RYR2: variants seen among roughly 807,000 people sequenced by gnomAD.
The protein encoded by RYR2 is cardiac muscle ryanodine receptor-calcium release channel.
Under a neutral mutation model 601.1 loss-of-function variants are expected in RYR2, and 227 were observed. That is an observed-to-expected ratio of 0.38 (90% CI 0.34 to 0.42). The LOEUF is 0.42. RYR2 is among the 10% of genes least tolerant of loss of function. RYR2 has a pLI of 1.00. For synonymous variants in RYR2, 2,223 were observed against 2,175.1 expected, an observed-to-expected ratio of 1.02 and a Z score of -0.61; for missense variants, 4,646 against 6,156.5, an observed-to-expected ratio of 0.75 and a Z score of 8.21.
At chr1:237,255,492 G>A (rs1484484500) in intron 1 of RYR2, among the ~76,000 whole-genome samples, 1 of 152,078 alleles carries the variant, frequency 6.6e-6, no homozygotes, top group Non-Finnish European at 1.5e-5. Flanking sequence ...TAGTTTAGGG[G>A]ATTTATAACA....
chr1:237,632,693 G>A (rs1007423311), intron 42 of RYR2, among the ~76,000 whole-genome samples: 8 of 152,002 alleles, frequency 5.3e-5, no homozygotes, highest in Non-Finnish European at 5.9e-5. Context: ...ACCACACTGG[G>A]CCTAAAGTGA....
intron 24 of RYR2, among the ~76,000 whole-genome samples, chr1:237,520,159 A>T (rs988605451): frequency 6.6e-6 from 1 of 152,206 alleles, no homozygotes. Context: ...TTGATTTTAC[A>T]TGCTGCAACT....
Position 237,643,391 on chromosome 1 carries a change from T to A in RYR2, c.7286T>A (p.Leu2429Gln). 6.2e-7 allele frequency: 1 copy of A among 1,613,918 alleles called. No homozygotes were observed. Among genetic ancestry groups the A allele is most frequent in the Non-Finnish European group, 8.5e-7 (1 of 1,179,846 alleles). Residue 2429 changes from leucine (L) to glutamine (Q), a missense_variant, in exon 48 of 105, where the codon CTG (leucine) becomes CAG (glutamine). Leu to Gln is a moderately radical substitution (Grantham distance 113). Transcript: ENST00000366574. ...TCCATTTTGAGATCCCTCATTCCCC[T>A]GGGAGATTTGGTGGGCGTTATCAGC... ...IRSILRSLIP[L>Q]GDLVGVISIA...
intron 7 of RYR2, among the ~76,000 whole-genome samples, chr1:237,375,152 A>T (rs1222593190): frequency 6.6e-6 from 1 of 152,226 alleles, no homozygotes. Flanking sequence ...GTCTGAAAAT[A>T]TAACATACTT....
At chr1:237,312,014 A>G (rs1334905688) in intron 2 of RYR2, among the ~76,000 whole-genome samples, 1 of 152,184 alleles carries the variant, frequency 6.6e-6, no homozygotes, top group East Asian at 1.9e-4. Flanking sequence ...GTACTGGGAG[A>G]TGGACTATAG....
At chr1:237,632,034 G>A (rs1218401586) in intron 42 of RYR2, among the ~76,000 whole-genome samples, 4 of 151,744 alleles carry the variant, frequency 2.6e-5, no homozygotes, top group Non-Finnish European at 4.4e-5. Flanking sequence ...GGAGTTGAAC[G>A]TACTACTAGT....
intron 1 of RYR2, among the ~76,000 whole-genome samples, chr1:237,195,980 T>C (rs1022369845): frequency 3.3e-5 from 5 of 152,222 alleles, no homozygotes; most frequent in African/African-American, 1.2e-4. Context: ...TCTTAGCATG[T>C]CTTGTCCGGC....
At chr1:237,593,185 A>T (rs1675423569) in intron 32 of RYR2, among the ~76,000 whole-genome samples, 1 of 152,200 alleles carries the variant, frequency 6.6e-6, no homozygotes, top group Non-Finnish European at 1.5e-5. Flanking sequence ...GCACACACAT[A>T]TATGCTGACC....
intron 50 of RYR2, among the ~76,000 whole-genome samples, chr1:237,650,497 A>AATGTGAT (rs1483856697): frequency 1.3e-5 from 2 of 152,228 alleles, no homozygotes; most frequent in Non-Finnish European, 2.9e-5. Context: ...TTAAATATAA[A>AATGTGAT]ATGTGATACA....
At chr1:237,805,444 G>A (rs1162682498) in intron 98 of RYR2, among the ~76,000 whole-genome samples, 1 of 151,942 alleles carries the variant, frequency 6.6e-6, no homozygotes, top group African/African-American at 2.4e-5. Flanking sequence ...AGCCGGGCGT[G>A]GTGGCGGACG....
At chr1:237,416,761 C>CAGAGAGAG (rs572524939) in intron 10 of RYR2, among the ~76,000 whole-genome samples, 7 of 147,090 alleles carry the variant, frequency 4.8e-5, no homozygotes, top group Non-Finnish European at 8.9e-5. Flanking sequence ...CACACACACA[C>CAGAGAGAG]ACAGAGAGAG....
At chr1:237,626,574 C>CTT (rs1679680836) in intron 40 of RYR2, among the ~76,000 whole-genome samples, 1 of 60,092 alleles carries the variant, frequency 1.7e-5, no homozygotes, top group Non-Finnish European at 3.7e-5. Flanking sequence ...TTTTCTTTTT[C>CTT]TTTTTCTTTT....
At chr1:237,213,939 T>TTA (rs1682886462) in intron 1 of RYR2, among the ~76,000 whole-genome samples, 1 of 145,536 alleles carries the variant, frequency 6.9e-6, no homozygotes, top group Non-Finnish European at 1.5e-5. Context: ...TTTTTTTTTT[T>TTA]AGACAGAGTC....
At chr1:237,383,737 T>C (rs993357519) in intron 8 of RYR2, among the ~76,000 whole-genome samples, 1 of 152,082 alleles carries the variant, frequency 6.6e-6, no homozygotes, top group East Asian at 1.9e-4. Flanking sequence ...CCCTTCAATC[T>C]ACATGTTTAA....
intron 17 of RYR2, among the ~76,000 whole-genome samples, chr1:237,471,689 T>C (rs1276949426): frequency 6.6e-6 from 1 of 151,074 alleles, no homozygotes; most frequent in African/African-American, 2.5e-5. Context: ...CCAAGTACAG[T>C]CCAGTGTTTT....
intron 17 of RYR2, among the ~76,000 whole-genome samples, chr1:237,482,830 G>A (rs1224059276): frequency 1.3e-5 from 2 of 152,076 alleles, no homozygotes; most frequent in African/African-American, 4.8e-5. Flanking sequence ...AGTGCAGGAG[G>A]GTTCCCTTTT....
intron 2 of RYR2, among the ~76,000 whole-genome samples, chr1:237,315,506 T>G (rs1695022925): frequency 6.6e-6 from 1 of 152,210 alleles, no homozygotes; most frequent in Non-Finnish European, 1.5e-5. Flanking sequence ...TGGTGGTCCA[T>G]TTGCAATGAG....
intron 25 of RYR2, among the ~76,000 whole-genome samples, chr1:237,545,259 G>A (rs1669676157): frequency 6.6e-6 from 1 of 152,224 alleles, no homozygotes; most frequent in South Asian, 2.1e-4. Flanking sequence ...ATATTATCCA[G>A]CTTCGCACAT....
At chr1:237,785,263 G>A (rs1400620930) in intron 90 of RYR2, among the ~76,000 whole-genome samples, 1 of 152,150 alleles carries the variant, frequency 6.6e-6, no homozygotes, top group African/African-American at 2.4e-5. Flanking sequence ...GTTGGGAAAA[G>A]AAAGAAAACT....
Sources: allele counts gnomAD v4.1 joint callset (sites outside exome capture counted in the v4.1 genomes callset), GRCh38; gene constraint gnomAD v4.1.1; transcripts MANE v1.5; gene names NCBI Gene and HGNC (gene_info 2026-07-23, HGNC 2026-07-21).